MAPKAPK2: variants seen among roughly 807,000 people sequenced by gnomAD.
MAPKAPK2 encodes the protein MAP kinase-activated protein kinase 2.
Under a neutral mutation model 48.8 loss-of-function variants are expected in MAPKAPK2, and 9 were observed. The ratio of observed to expected loss-of-function variants is 0.18; its 90% confidence interval spans 0.11 to 0.32. The LOEUF (loss-of-function observed/expected upper bound fraction) is 0.32. MAPKAPK2 is among the 10% of genes least tolerant of loss of function. The pLI is 1.00. For synonymous variants in MAPKAPK2, 202 were observed against 190.6 expected (o/e 1.06, Z -0.49); for missense variants, 331 against 498.3 (o/e 0.66, Z 3.20).
chr1:206,694,687 C>G (rs1296412733), intron 1 of MAPKAPK2, among the ~76,000 whole-genome samples: 2 of 152,290 alleles, frequency 1.3e-5, no homozygotes, highest in East Asian at 3.9e-4. Context: ...CGGGGAGAGC[C>G]CTGGACACTA....
At chr1:206,719,695 A>G (rs949456781) in intron 1 of MAPKAPK2, among the ~76,000 whole-genome samples, 1 of 152,192 alleles carries the variant, frequency 6.6e-6, no homozygotes, top group Non-Finnish European at 1.5e-5. Flanking sequence ...TAGTTCAGCC[A>G]AGATTGCTCT....
intron 1 of MAPKAPK2, among the ~76,000 whole-genome samples, chr1:206,688,496 T>A (rs1672351918): frequency 1.3e-5 from 2 of 152,182 alleles, no homozygotes; most frequent in South Asian, 4.1e-4. Flanking sequence ...TTGCTGCTCC[T>A]GAGAACAGTC....
chr1:206,733,810 T>G lies in MAPKAPK2; in HGVS notation c.*1092T>G, dbSNP rs1449594790. 6.5e-6 allele frequency: 1 copy of G among 152,914 alleles called. No homozygotes were observed. Among genetic ancestry groups the G allele is most frequent in the African/African-American group, 2.4e-5 (1 of 41,466 alleles). 9.5% of individuals were successfully genotyped at this position (152,914 alleles called of 1,614,324 possible). Reference sequence around the variant, plus strand: ...CATTTCCTGTGTTTGTCCTGGGTTCTGGGGCATCAGCCAGCTACCCCTTGT... The same window carrying G: ...CATTTCCTGTGTTTGTCCTGGGTTCGGGGGCATCAGCCAGCTACCCCTTGT... On this transcript the variant is annotated 3_prime_UTR_variant, in exon 10 of 10. Coordinates refer to ENST00000367103, the MANE Select transcript of MAPKAPK2 (RefSeq NM_032960.4).
chr1:206,696,076 C>T (rs879975563), intron 1 of MAPKAPK2: 3 of 1,108,474 alleles, frequency 2.7e-6, no homozygotes, highest in East Asian at 2.4e-5. Flanking sequence ...ATTCATCTCA[C>T]CTGCCTTCAC....
intron 1 of MAPKAPK2, among the ~76,000 whole-genome samples, chr1:206,713,776 G>T (rs1673233180): frequency 6.6e-6 from 1 of 152,196 alleles, no homozygotes; most frequent in Non-Finnish European, 1.5e-5. Context: ...TGAGGTGGGA[G>T]AATTGCTTGA....
intron 1 of MAPKAPK2, among the ~76,000 whole-genome samples, chr1:206,724,843 C>A (rs1673655454): frequency 6.6e-6 from 1 of 151,982 alleles, no homozygotes. Context: ...AGATCTTGCC[C>A]ATTAGAAACT....
rs569502446 is a variant in MAPKAPK2 at position 206,695,990 on chromosome 1, G to A, written c.279+10482G>A. On this transcript the variant is annotated intron_variant, in intron 1 of 9. Transcript: ENST00000367103. ...TGGTTCTACTTCCTCCTATGGCTCG[G>A]AGTTCGATGTGTAGGGCAGTGATAC... The A allele has an allele frequency of 4.4e-4, 332 of 754,490 alleles. 6 individuals carry two copies. In the South Asian group the frequency reaches 4.4e-3, roughly 10 times the overall value. 46.7% of individuals were successfully genotyped at this position (754,490 alleles called of 1,614,324 possible).
intron 1 of MAPKAPK2, among the ~76,000 whole-genome samples, chr1:206,726,242 C>T (rs1332968437): frequency 6.6e-6 from 1 of 152,212 alleles, no homozygotes; most frequent in East Asian, 1.9e-4. Context: ...AAAAAATTAG[C>T]CAGACGTGGT....
intron 1 of MAPKAPK2, among the ~76,000 whole-genome samples, chr1:206,728,399 C>T (rs1229753677): frequency 1.3e-5 from 2 of 152,136 alleles, no homozygotes; most frequent in African/African-American, 4.8e-5. Flanking sequence ...CTTCCCAGTA[C>T]CTGAGTGCTG....
At chr1:206,705,581 T>C (rs1553428446) in intron 1 of MAPKAPK2, among the ~76,000 whole-genome samples, 1 of 152,136 alleles carries the variant, frequency 6.6e-6, no homozygotes, top group African/African-American at 2.4e-5. Context: ...GCAATTGTGT[T>C]GACTCTTGAG....
At chr1:206,710,959 A>G (rs1382041221) in intron 1 of MAPKAPK2, among the ~76,000 whole-genome samples, 1 of 152,210 alleles carries the variant, frequency 6.6e-6, no homozygotes, top group Non-Finnish European at 1.5e-5. Context: ...TCATTTCCTT[A>G]TTTATAATTT....
rs74624060 is a variant in MAPKAPK2 at position 206,702,789 on chromosome 1, C to T, written c.279+17281C>T. ...TGCCTTCCAGGAGAGCACTCCTTCCCGCTCTGCCTTGCATTTATCTGCTTC... is the reference window on the plus strand; with the variant it reads ...TGCCTTCCAGGAGAGCACTCCTTCCTGCTCTGCCTTGCATTTATCTGCTTC... On this transcript the variant is annotated intron_variant, in intron 1 of 9. Coordinates refer to ENST00000367103, the MANE Select transcript of MAPKAPK2 (RefSeq NM_032960.4). Among the ~76,000 whole-genome samples the T allele has an allele frequency of 3.6e-3, 555 of 152,356 alleles. 1 individual carries two copies. Among genetic ancestry groups the T allele is most frequent in the Non-Finnish European group, 5.7e-3 (388 of 68,034 alleles).
chr1:206,728,166 T>C (rs1673768539), intron 1 of MAPKAPK2, among the ~76,000 whole-genome samples: 1 of 152,178 alleles, frequency 6.6e-6, no homozygotes, highest in Non-Finnish European at 1.5e-5. Context: ...ATAACTGGAT[T>C]CATACTGGCA....
At chr1:206,689,002 G>T (rs2102371635) in intron 1 of MAPKAPK2, among the ~76,000 whole-genome samples, 1 of 152,264 alleles carries the variant, frequency 6.6e-6, no homozygotes, top group African/African-American at 2.4e-5. Context: ...TATTCCCCGG[G>T]AGGGTTCCTC....
rs11582798 is a variant in MAPKAPK2 at position 206,721,922 on chromosome 1, G to A, written c.280-6788G>A. Among the ~76,000 whole-genome samples, 699 of 152,160 alleles carry A rather than the reference G, an allele frequency of 4.6e-3. 4 individuals are homozygous for A. Among genetic ancestry groups the A allele is most frequent in the Non-Finnish European group, 8.6e-3 (585 of 67,994 alleles). ...CTCTACTAAAAATACAAAATTAGCC[G>A]GGCATGGTGGCACACGCCTGTAATC... On this transcript the variant is annotated intron_variant, in intron 1 of 9. Transcript: ENST00000367103.
At chr1:206,728,286 T>C (rs1348118359) in intron 1 of MAPKAPK2, among the ~76,000 whole-genome samples, 3 of 152,152 alleles carry the variant, frequency 2.0e-5, no homozygotes, top group African/African-American at 7.2e-5. Context: ...CTGAGGGGCC[T>C]TTTCCTATGG....
intron 1 of MAPKAPK2, among the ~76,000 whole-genome samples, chr1:206,694,871 G>A: frequency 6.6e-6 from 1 of 152,216 alleles, no homozygotes; most frequent in Admixed American, 6.5e-5. Flanking sequence ...CTGGCAGATG[G>A]GGAGGCCACA....
intron 1 of MAPKAPK2, among the ~76,000 whole-genome samples, chr1:206,693,837 GC>G (rs1203987325): frequency 1.7e-4 from 26 of 152,216 alleles, no homozygotes; most frequent in African/African-American, 4.6e-4. Flanking sequence ...CATCTTGTCA[GC>G]GTCCAAGAAT....
chr1:206,687,656 C>A (rs1440731116), intron 1 of MAPKAPK2, among the ~76,000 whole-genome samples: 1 of 152,218 alleles, frequency 6.6e-6, no homozygotes, highest in Non-Finnish European at 1.5e-5. Flanking sequence ...GTTCAAAGAA[C>A]GCTGTTCCAG....
Sources: gnomAD v4.1 joint callset for allele counts (sites outside exome capture counted in the v4.1 genomes callset) on GRCh38, gnomAD v4.1.1 for gene constraint, MANE v1.5 for transcripts, NCBI Gene and HGNC (gene_info 2026-07-23, HGNC 2026-07-21) for gene names.